Variants in TXNDC11 observed in about 807,000 individuals in gnomAD.
TXNDC11 encodes the protein thioredoxin domain containing 11.
A neutral mutation model predicts 78.0 loss-of-function variants in TXNDC11; 68 were observed. That is an observed-to-expected ratio of 0.87 (90% CI 0.72 to 1.07). The LOEUF (loss-of-function observed/expected upper bound fraction) is 1.07. TXNDC11 is among the 50% of genes least tolerant of loss of function. The probability of loss-of-function intolerance (pLI) is 0.00; values close to 1 mark genes in which losing one functional copy is unlikely to be tolerated. For missense variants in TXNDC11, 1,389 were observed against 1,221.8 expected, an observed-to-expected ratio of 1.14 and a Z score of -2.04; for synonymous variants, 571 against 495.2, an observed-to-expected ratio of 1.15 and a Z score of -2.03.
rs773219698 is a variant in TXNDC11 at position 11,721,644 on chromosome 16, G to A, written c.726C>T (p.Phe242=). 2 of 1,612,100 alleles carry A rather than the reference G, an allele frequency of 1.2e-6. No individual in the cohort carries two copies. Among genetic ancestry groups the A allele is most frequent in the Non-Finnish European group, 1.7e-6 (2 of 1,178,654 alleles). ...YEPGVLGYFE[F]SGSPQPPGYL... is the part of the protein sequence containing the mutation. Reference sequence around the variant, plus strand: ...AACCAGGAGGCTGGGGTGAGCCACTGAACTCAAAGTACCCGAGTACTCCAG... The same window carrying A: ...AACCAGGAGGCTGGGGTGAGCCACTAAACTCAAAGTACCCGAGTACTCCAG... Residue 242 remains phenylalanine, a synonymous_variant, in exon 5 of 12, where the codon TTC becomes TTT. Coordinates refer to ENST00000283033, the MANE Select transcript of TXNDC11 (RefSeq NM_015914.7).
intron 8 of TXNDC11, chr16:11,688,686 A>G: frequency 2.8e-6 from 1 of 361,272 alleles, no homozygotes; most frequent in Admixed American, 4.1e-5. Context: ...AGATGCTCTA[A>G]TATTCATAGA....
intron 7 of TXNDC11, among the ~76,000 whole-genome samples, chr16:11,693,037 C>T (rs1431647454): frequency 1.3e-5 from 2 of 152,208 alleles, no homozygotes; most frequent in Non-Finnish European, 2.9e-5. Context: ...TACAGTCTCA[C>T]AAGCTTCTGC....
At chr16:11,704,903 TTC>T (rs960089057) in intron 5 of TXNDC11, among the ~76,000 whole-genome samples, 1 of 131,128 alleles carries the variant, frequency 7.6e-6, no homozygotes, top group Admixed American at 7.4e-5. Flanking sequence ...CAATGTTAAC[TTC>T]TTTTTCTTTC....
At chr16:11,733,830 A>G (rs1178783475) in intron 3 of TXNDC11, 152 bp downstream of exon 3, 1 of 602,908 alleles carries the variant, frequency 1.7e-6, no homozygotes, top group Non-Finnish European at 2.8e-6. Flanking sequence ...GGGGTGGATT[A>G]TCCAGATCTT....
At chr16:11,717,145 G>GC (rs2051549042) in intron 5 of TXNDC11, among the ~76,000 whole-genome samples, 1 of 151,228 alleles carries the variant, frequency 6.6e-6, no homozygotes, top group Admixed American at 6.6e-5. Flanking sequence ...TAACCAGAAG[G>GC]CCAGGCGCAG....
chr16:11,710,921 G>C (rs940472535), intron 5 of TXNDC11, among the ~76,000 whole-genome samples: 18 of 152,132 alleles, frequency 1.2e-4, no homozygotes, highest in Admixed American at 1.0e-3. Context: ...GGGAAAACTA[G>C]AAACCAAGAC....
At chr16:11,726,365 G>T (rs996699293) in intron 4 of TXNDC11, among the ~76,000 whole-genome samples, 1 of 151,962 alleles carries the variant, frequency 6.6e-6, no homozygotes, top group Admixed American at 6.6e-5. Flanking sequence ...GGCAGATCAC[G>T]AGGTCAAGAG....
At chr16:11,703,325 A>G (rs916296167) in intron 5 of TXNDC11, among the ~76,000 whole-genome samples, 3 of 152,234 alleles carry the variant, frequency 2.0e-5, no homozygotes, top group Non-Finnish European at 4.4e-5. Context: ...TTAAAGAGGT[A>G]TAAGTTAGCA....
intron 11 of TXNDC11, among the ~76,000 whole-genome samples, chr16:11,681,881 T>C (rs886984714): frequency 6.6e-6 from 1 of 152,246 alleles, no homozygotes; most frequent in African/African-American, 2.4e-5. Flanking sequence ...TCCTTCATGA[T>C]TTTTATAAAT....
chr16:11,687,389 T>C (rs1178721189), intron 10 of TXNDC11, among the ~76,000 whole-genome samples: 34 of 152,264 alleles, frequency 2.2e-4, no homozygotes, highest in Admixed American at 2.2e-3. Flanking sequence ...TTAAAAATTT[T>C]GTTTACTCAA....
At chr16:11,690,112 T>G (rs1011987465) in intron 8 of TXNDC11, 2 of 152,222 alleles carry the variant, frequency 1.3e-5, no homozygotes, top group African/African-American at 4.8e-5. Context: ...CTTTAAAACT[T>G]GAAATGAAAG....
At chr16:11,716,018 T>A (rs944331071) in intron 5 of TXNDC11, among the ~76,000 whole-genome samples, 1 of 152,228 alleles carries the variant, frequency 6.6e-6, no homozygotes, top group South Asian at 2.1e-4. Context: ...ATTTCATGAT[T>A]TGACCTTATA....
At chr16:11,689,247 C>G (rs1442345655) in intron 8 of TXNDC11, among the ~76,000 whole-genome samples, 1 of 152,120 alleles carries the variant, frequency 6.6e-6, no homozygotes, top group Non-Finnish European at 1.5e-5. Flanking sequence ...CACCATTGCA[C>G]TCAGCTAAAG....
intron 5 of TXNDC11, among the ~76,000 whole-genome samples, chr16:11,705,359 T>G (rs987381279): frequency 3.9e-5 from 6 of 152,254 alleles, no homozygotes; most frequent in African/African-American, 9.6e-5. Flanking sequence ...TTTAAAAACT[T>G]TGTTTAAAGG....
intron 5 of TXNDC11, among the ~76,000 whole-genome samples, chr16:11,714,340 G>A (rs931873799): frequency 1.3e-5 from 2 of 152,130 alleles, no homozygotes; most frequent in African/African-American, 4.8e-5. Flanking sequence ...TTTTGATGCT[G>A]TATAAAATCT....
At chr16:11,727,949 G>A (rs1300416946) in intron 4 of TXNDC11, among the ~76,000 whole-genome samples, 2 of 152,128 alleles carry the variant, frequency 1.3e-5, no homozygotes, top group Non-Finnish European at 2.9e-5. Flanking sequence ...AGAAAAGGGT[G>A]CTACCAACAT....
In TXNDC11 at chr16:11,691,958, T is replaced by C; in HGVS notation, c.1232A>G (p.Gln411Arg). 6.2e-7 allele frequency: 1 copy of C among 1,610,142 alleles called. No individual in the cohort carries two copies. Among genetic ancestry groups the C allele is most frequent in the Non-Finnish European group, 8.5e-7 (1 of 1,177,230 alleles). Residue 411 changes from glutamine (Q) to arginine (R), a missense_variant, in exon 8 of 12, where the codon CAG becomes CGG. Transcript: ENST00000283033. ...LESLALEVPA[Q>R]LPDPPTITAS... is the part of the protein sequence containing the mutation. ...TGTGATCGTTGGCGGGTCTGGCAGC[T>C]GTGCCGGCACTTCCAGGGCCAGGGA... is the stretch of plus-strand genomic sequence containing the variant.
chr16:11,731,385 G>C (rs984137333), intron 3 of TXNDC11, among the ~76,000 whole-genome samples: 2 of 152,168 alleles, frequency 1.3e-5, no homozygotes, highest in African/African-American at 2.4e-5. Flanking sequence ...AGTTGTGCCT[G>C]GGGACACATA....
rs1219280514 is a variant in TXNDC11 at position 11,742,478 on chromosome 16, T to A, written c.253A>T (p.Ser85Cys). The A allele has an allele frequency of 6.3e-6, 9 of 1,438,870 alleles. No homozygotes were observed. The highest frequency in any genetic ancestry group is 8.2e-6 in the Non-Finnish European group (9 of 1,103,582). The allele number at this position is 1,438,870 out of a possible 1,614,324, so 89.1% of individuals were successfully genotyped here. Reference protein sequence around the residue: ...ALLLALKFTCSRAKDVIIPAK... With the variant: ...ALLLALKFTCCRAKDVIIPAK... ...GCCCCAGGGTCCGGGCCGCCTCACC[T>A]GCAGGTGAACTTGAGGGCGAGGAGC... Residue 85 changes from serine (S) to cysteine (C), a missense_variant and splice_region_variant, in exon 1 of 12, where the codon AGT becomes TGT. By Grantham distance (112) the Ser-to-Cys change is moderately radical (BLOSUM62 -1). Transcript: ENST00000283033.
Sources: gnomAD v4.1 joint callset for allele counts (sites outside exome capture counted in the v4.1 genomes callset) on GRCh38, gnomAD v4.1.1 for gene constraint, MANE v1.5 for transcripts, NCBI Gene and HGNC (gene_info 2026-07-23, HGNC 2026-07-21) for gene names.